DCAF7: variants seen among roughly 807,000 people sequenced by gnomAD.
The protein encoded by DCAF7 is DDB1- and CUL4-associated factor 7.
In DCAF7, 4 loss-of-function variants were observed where a neutral mutation model predicts 41.2. The observed-to-expected ratio is 0.10, with a 90% CI of 0.05 to 0.22. DCAF7 has a LOEUF of 0.22. DCAF7 is among the 10% of genes least tolerant of loss of function. DCAF7 has a pLI of 1.00. For missense variants in DCAF7, 131 were observed against 443.2 expected, an observed-to-expected ratio of 0.30 and a Z score of 6.32; for synonymous variants, 143 against 164.2, an observed-to-expected ratio of 0.87 and a Z score of 0.99.
intron 1 of DCAF7, among the ~76,000 whole-genome samples, chr17:63,551,303 T>TCCCCCC (rs772481367): frequency 6.3e-5 from 5 of 79,564 alleles, no homozygotes; most frequent in Non-Finnish European, 1.1e-4. Flanking sequence ...CGCCCCCTAC[T>TCCCCCC]CCCACCCCCC....
chr17:63,588,908 C>A, intron 6 of DCAF7, 92 bp from the exon 7 acceptor site: 1 of 1,374,484 alleles, frequency 7.3e-7, no homozygotes. Flanking sequence ...CACGGGGGTG[C>A]TTTGTAAACT....
chr17:63,572,632 G>A (rs894877382), intron 1 of DCAF7, among the ~76,000 whole-genome samples: 1 of 152,122 alleles, frequency 6.6e-6, no homozygotes, highest in Non-Finnish European at 1.5e-5. Context: ...GAGGGATTTG[G>A]GGTTTCATGC....
At chr17:63,559,309 A>G (rs2033343898) in intron 1 of DCAF7, among the ~76,000 whole-genome samples, 1 of 107,642 alleles carries the variant, frequency 9.3e-6, no homozygotes, top group Non-Finnish European at 1.8e-5. Flanking sequence ...AGACCCATAT[A>G]TATATATATA....
At position 63,559,441 on chromosome 17, in the gene DCAF7, A is replaced by G. The variant is rs867716143; in HGVS notation, c.138+8626A>G. Among the ~76,000 whole-genome samples the G allele has an allele frequency of 9.2e-3, 1,168 of 127,636 alleles. 26 individuals are homozygous for G. The highest frequency in any genetic ancestry group is 0.033 in the African/African-American group (957 of 29,308). 83.7% of individuals were successfully genotyped at this position (127,636 alleles called of 152,430 possible). A position where few individuals can be genotyped will look rare whatever the true frequency, so the allele number is the denominator to read the frequency against. The stretch of plus-strand genomic sequence containing the variant: ...TATACGTATATATATATGTGTGTGT[A>G]TATATATATATATATATTTTTAATA... On this transcript the variant is annotated intron_variant, in intron 1 of 6. Transcript: ENST00000614556.
chr17:63,570,291 A>G (rs888140487), intron 1 of DCAF7, among the ~76,000 whole-genome samples: 64 of 151,904 alleles, frequency 4.2e-4, no homozygotes, highest in African/African-American at 1.5e-3. Context: ...CCGTCTCTAC[A>G]AAATATGGAA....
intron 1 of DCAF7, among the ~76,000 whole-genome samples, chr17:63,560,023 A>G (rs1014496951): frequency 1.3e-5 from 2 of 152,220 alleles, no homozygotes; most frequent in African/African-American, 4.8e-5. Flanking sequence ...ATAACTGCAT[A>G]TAAAGATCTG....
At chr17:63,578,365 AAAACAAAAAAC>A (rs2033584850) in intron 1 of DCAF7, 94 bp from the exon 2 acceptor site, 2 of 1,506,566 alleles carry the variant, frequency 1.3e-6, no homozygotes, top group East Asian at 4.5e-5. Flanking sequence ...TCCTGTCTTT[AAAACAAAAAAC>A]AAACAAAAAA....
At chr17:63,574,162 C>T (rs752850893) in intron 1 of DCAF7, among the ~76,000 whole-genome samples, 1 of 152,172 alleles carries the variant, frequency 6.6e-6, no homozygotes, top group Admixed American at 6.6e-5. Flanking sequence ...TCTGTTCTAC[C>T]TACCTGGGAT....
Position 63,590,210 on chromosome 17 carries a change from A to G in DCAF7, c.*1038A>G, listed in dbSNP as rs1225775716. The G allele has an allele frequency of 6.6e-6, 1 of 152,570 alleles. No homozygotes were observed. Among genetic ancestry groups the G allele is most frequent in the African/African-American group, 2.4e-5 (1 of 41,394 alleles). The allele number at this position is 152,570 out of a possible 1,614,324, so 9.5% of individuals were successfully genotyped here. A position where few individuals can be genotyped will look rare whatever the true frequency, so the allele number is the denominator to read the frequency against. ...TTCGGTGCTTCTGTTGTTTGAGTTT[A>G]CTGTGCCTGGTGGTATATTGGGCAT... On this transcript the variant is annotated 3_prime_UTR_variant, in exon 7 of 7. Coordinates refer to ENST00000614556, the MANE Select transcript of DCAF7 (RefSeq NM_005828.5).
intron 1 of DCAF7, among the ~76,000 whole-genome samples, chr17:63,559,338 C>CAT (rs1252119314): frequency 6.5e-4 from 14 of 21,700 alleles, no homozygotes; most frequent in African/African-American, 2.3e-3. Context: ...TATATACATA[C>CAT]ATATATATAC....
rs540674516 is a variant in DCAF7, at chr17:63,580,894, A to G, written c.528+951A>G. On this transcript the variant is annotated intron_variant, in intron 4 of 6. Coordinates refer to ENST00000614556, the MANE Select transcript of DCAF7 (RefSeq NM_005828.5). ...CCATAAGTCTTTTCCTCCTACAGCC[A>G]TTGCATGCTCCTGGTACTCTCATCT... Among the ~76,000 whole-genome samples, 31 of 152,220 alleles carry G rather than the reference A, an allele frequency of 2.0e-4. 1 individual carries two copies. The highest frequency in any genetic ancestry group is 7.0e-4 in the African/African-American group (29 of 41,548).
chr17:63,550,801 G>T lies in DCAF7; in HGVS notation c.124G>T (p.Glu42Ter). The T allele has an allele frequency of 6.2e-7, 1 of 1,613,770 alleles. No homozygotes were observed. Among genetic ancestry groups the T allele is most frequent in the Non-Finnish European group, 8.5e-7 (1 of 1,179,804 alleles). ...CTTGGCGCTGGGCAGCTTCGTGGAG[G>T]AGTACAACAACAAGGTGGGCCGGGC... ...FRLALGSFVE[E>*]YNNKVQLVGL... Residue 42 changes from glutamate to a stop codon, truncating the protein, a stop_gained, in exon 1 of 7, where the codon GAG becomes TAG. Coordinates refer to ENST00000614556, the MANE Select transcript of DCAF7 (RefSeq NM_005828.5). LOFTEE classifies it high-confidence loss of function. This position sits in a 1 kb window ranked among gnomAD's most constrained non-coding sequence, Gnocchi z 4.8.
chr17:63,590,646 T>C lies in DCAF7; in HGVS notation c.*1474T>C, dbSNP rs1451683238. 6.5e-6 allele frequency: 1 copy of C among 152,744 alleles called. No individual in the cohort carries two copies. Among genetic ancestry groups the C allele is most frequent in the Non-Finnish European group, 1.5e-5 (1 of 68,122 alleles). The allele number at this position is 152,744 out of a possible 1,614,324, so 9.5% of individuals were successfully genotyped here. On this transcript the variant is annotated 3_prime_UTR_variant, in exon 7 of 7. Coordinates refer to ENST00000614556, the MANE Select transcript of DCAF7 (RefSeq NM_005828.5). Reference sequence around the variant, plus strand: ...AGCCCTTGGGGCAGGCAGTTTGGGATGTGCTCTTGGGGGAAAGTTGGCTGT... The same window carrying C: ...AGCCCTTGGGGCAGGCAGTTTGGGACGTGCTCTTGGGGGAAAGTTGGCTGT...
In DCAF7 at chr17:63,592,050, CTCT is replaced by C. The variant is rs1431489913; in HGVS notation, c.*2884_*2886del. The C allele has an allele frequency of 1.3e-5, 2 of 152,230 alleles. No homozygotes were observed. The highest frequency in any genetic ancestry group is 2.9e-5 in the Non-Finnish European group (2 of 68,066). 9.4% of individuals were successfully genotyped at this position (152,230 alleles called of 1,614,324 possible). ...TTTTATGCTCAGGAGCATTGGAATC[CTCT>C]TCTTCCAGGGAGGAATTAGCCTGCA... On this transcript the variant is annotated 3_prime_UTR_variant, in exon 7 of 7. Transcript: ENST00000614556.
Position 63,589,133 on chromosome 17 carries a change from C to T in DCAF7, c.990C>T (p.Ala330=), listed in dbSNP as rs368512033. The part of the protein sequence containing the change: ...QWASTQPDWI[A]ICYNNCLEIL... ...CATCAACTCAGCCCGACTGGATCGC[C>T]ATCTGCTACAACAACTGCCTGGAGA... The change falls in exon 7 of 7, where the codon GCC becomes GCT. Residue 330 remains alanine (A), a synonymous_variant. Transcript: ENST00000614556. 1.9e-6 allele frequency: 3 copies of T among 1,613,904 alleles called. No individual in the cohort carries two copies. The African/African-American group carries it at 4.0e-5, about 22-fold the overall frequency.
chr17:63,588,004 A>AG (rs1199556417), intron 6 of DCAF7, among the ~76,000 whole-genome samples: 9 of 148,532 alleles, frequency 6.1e-5, no homozygotes, highest in African/African-American at 2.3e-4. Context: ...AAAAAAAAAA[A>AG]GTAATATGAG....
At chr17:63,576,356 G>T (rs2033561705) in intron 1 of DCAF7, among the ~76,000 whole-genome samples, 1 of 152,002 alleles carries the variant, frequency 6.6e-6, no homozygotes, top group African/African-American at 2.4e-5. Context: ...AGAGGTAGGA[G>T]AATTGCTTGA....
rs549284363 is a variant in DCAF7 at position 63,579,528 on chromosome 17, C to T, written c.409+80C>T. 74 of 1,060,372 alleles carry T rather than the reference C, an allele frequency of 7.0e-5. No individual in the cohort carries two copies. In the African/African-American group the frequency reaches 1.1e-3, roughly 16 times the overall value. 65.7% of individuals were successfully genotyped at this position (1,060,372 alleles called of 1,614,324 possible). ...TCAGATGTCACACTGGGCCATACAT[C>T]CTAGAACAAGGCTCAGTGGGAAGTA... On this transcript the variant is annotated intron_variant, in intron 3 of 6. Coordinates refer to ENST00000614556, the MANE Select transcript of DCAF7 (RefSeq NM_005828.5).
intron 1 of DCAF7, among the ~76,000 whole-genome samples, chr17:63,564,160 CACAT>C (rs893003395): frequency 2.6e-4 from 40 of 151,328 alleles, no homozygotes; most frequent in African/African-American, 3.9e-4. Context: ...CACACACACA[CACAT>C]ACACATATAT....
Sources: gnomAD v4.1 joint callset for allele counts (sites outside exome capture counted in the v4.1 genomes callset) on GRCh38, gnomAD v4.1.1 for gene constraint, Gnocchi (gnomAD v3.1) non-coding constraint, MANE v1.5 for transcripts, NCBI Gene and HGNC (gene_info 2026-07-23, HGNC 2026-07-21) for gene names.